The following NEK5 variants were observed in gnomAD, a reference collection of about 807,000 sequenced individuals.
NEK5 encodes NIMA related kinase 5.
NEK5 carries 88 observed loss-of-function variants against 109.2 expected under a neutral mutation model. The observed-to-expected ratio is 0.81, with a 90% CI of 0.68 to 0.96. NEK5 has a LOEUF of 0.96. Ranked by LOEUF, NEK5 falls within the 40% of genes least tolerant of loss-of-function variation. The probability of loss-of-function intolerance (pLI) is 0.00; values close to 1 mark genes in which losing one functional copy is unlikely to be tolerated. For missense variants in NEK5, 834 were observed against 920.7 expected (o/e 0.91, Z 1.22); for synonymous variants, 283 against 299.9 (o/e 0.94, Z 0.58).
chr13:52,079,362 C>T (rs1284385413), intron 17 of NEK5, among the ~76,000 whole-genome samples: 1 of 149,984 alleles, frequency 6.7e-6, no homozygotes, highest in Non-Finnish European at 1.5e-5. Flanking sequence ...CGAAGCTGGA[C>T]TGTACTGCTG....
chr13:52,128,567 A>G (rs1352077719), intron 1 of NEK5, among the ~76,000 whole-genome samples: 1 of 152,088 alleles, frequency 6.6e-6, no homozygotes, highest in Non-Finnish European at 1.5e-5. Context: ...ATTTTACGTC[A>G]GGGTGGGAAG....
At chr13:52,056,975 CAA>C (rs1026812054) in intron 22 of NEK5, among the ~76,000 whole-genome samples, 263 of 151,960 alleles carry the variant, frequency 1.7e-3, no homozygotes, top group Non-Finnish European at 2.5e-3. Context: ...AATAGAGACA[CAA>C]AAAACCCTTC....
At chr13:52,105,009 T>TA (rs1212283850) in intron 8 of NEK5, among the ~76,000 whole-genome samples, 5 of 152,216 alleles carry the variant, frequency 3.3e-5, no homozygotes, top group Admixed American at 3.3e-4. Flanking sequence ...AATAAACATT[T>TA]AAAAATATAC....
intron 14 of NEK5, among the ~76,000 whole-genome samples, chr13:52,087,925 TTTC>T (rs1955188241): frequency 7.1e-6 from 1 of 140,358 alleles, no homozygotes; most frequent in African/African-American, 2.7e-5. Flanking sequence ...AAGCCCAGCC[TTTC>T]TTTTTTTTTT....
intron 9 of NEK5, among the ~76,000 whole-genome samples, chr13:52,103,821 G>A (rs1400233223): frequency 2.6e-5 from 4 of 152,182 alleles, no homozygotes; most frequent in Admixed American, 6.5e-5. Flanking sequence ...CACAGGTGAC[G>A]TGGGTAACAA....
At chr13:52,113,233 AG>A (rs774443135) in intron 4 of NEK5, among the ~76,000 whole-genome samples, 101 of 152,232 alleles carry the variant, frequency 6.6e-4, no homozygotes, top group Non-Finnish European at 1.9e-4. Flanking sequence ...TCCACATTAA[AG>A]AAAAGAGACT....
At chr13:52,125,076 G>A (rs577949960) in intron 3 of NEK5, among the ~76,000 whole-genome samples, 7 of 152,344 alleles carry the variant, frequency 4.6e-5, no homozygotes, top group African/African-American at 1.7e-4. Flanking sequence ...CATAGGAGGT[G>A]AAGTGGGTCT....
At chr13:52,104,146 G>GA (rs1955601235) in intron 9 of NEK5, among the ~76,000 whole-genome samples, 1 of 151,892 alleles carries the variant, frequency 6.6e-6, no homozygotes, top group Non-Finnish European at 1.5e-5. Flanking sequence ...TTTTAGTAGA[G>GA]ACGGGGTGTC....
chr13:52,087,325 A>G lies in NEK5; in HGVS notation c.1392+13T>C. On this transcript the variant is annotated intron_variant, in intron 15 of 23. Coordinates refer to ENST00000684899, the MANE Select transcript of NEK5 (RefSeq NM_001365552.1). ...AAATACAAGGGTAGCCCTGGAATTA[A>G]ACAGTTTTTAACCTGTTCCTTCATT... is the stretch of plus-strand genomic sequence containing the variant. The G allele has an allele frequency of 2.3e-6, 3 of 1,293,760 alleles. No homozygotes were observed. The highest frequency in any genetic ancestry group is 3.4e-6 in the Non-Finnish European group (3 of 889,684). 80.1% of individuals were successfully genotyped at this position (1,293,760 alleles called of 1,614,324 possible). A position where few individuals can be genotyped will look rare whatever the true frequency, so the allele number is the denominator to read the frequency against.
chr13:52,094,329 A>G (rs999969621), intron 12 of NEK5, among the ~76,000 whole-genome samples: 76 of 152,250 alleles, frequency 5.0e-4, no homozygotes, highest in Non-Finnish European at 1.5e-4. Context: ...AGAGAAAAAA[A>G]GATAAAACTA....
intron 21 of NEK5, among the ~76,000 whole-genome samples, chr13:52,064,004 G>C (rs1270108351): frequency 2.1e-5 from 3 of 140,006 alleles, no homozygotes; most frequent in Non-Finnish European, 3.1e-5. Context: ...GGTGGGGGGG[G>C]GGGTCAGCCC....
At chr13:52,086,241 G>A (rs369778580) in intron 16 of NEK5, 36 bp downstream of exon 16, 19 of 1,283,146 alleles carry the variant, frequency 1.5e-5, no homozygotes, top group African/African-American at 8.7e-5. Context: ...GCTCTAAATC[G>A]ATAGAACAAT....
chr13:52,064,005 G>A (rs1490237773), intron 21 of NEK5, among the ~76,000 whole-genome samples: 1 of 134,102 alleles, frequency 7.5e-6, no homozygotes, highest in East Asian at 2.4e-4. Context: ...GTGGGGGGGG[G>A]GGTCAGCCCC....
chr13:52,107,616 G>C (rs1955679802), intron 8 of NEK5, among the ~76,000 whole-genome samples: 1 of 151,282 alleles, frequency 6.6e-6, no homozygotes, highest in Non-Finnish European at 1.5e-5. Context: ...AAAAAAGCCA[G>C]TGCCCTTATA....
At chr13:52,114,591 A>G (rs1955815796) in intron 4 of NEK5, among the ~76,000 whole-genome samples, 2 of 152,238 alleles carry the variant, frequency 1.3e-5, no homozygotes, top group South Asian at 4.1e-4. Context: ...CAAAGAAGCC[A>G]TCCATTCTAC....
intron 20 of NEK5, among the ~76,000 whole-genome samples, chr13:52,071,504 T>C (rs957612654): frequency 6.6e-6 from 1 of 152,260 alleles, no homozygotes; most frequent in South Asian, 2.1e-4. Flanking sequence ...TTTCTTTACT[T>C]ACAATTGTGT....
Position 52,102,171 on chromosome 13 carries a change from G to A in NEK5, c.731C>T (p.Pro244Leu), listed in dbSNP as rs145182172. The change falls in exon 10 of 24, where the codon CCT becomes CTT. Residue 244 changes from proline (P) to leucine (L), a missense_variant. Transcript: ENST00000684899. ...GGAATTTATGGATGGTCGGTCTCGA[G>A]GAGATACTTGAAAGAGCTGAGATAT... ...SLISQLFQVS[P>L]RDRPSINSIL... The A allele has an allele frequency of 2.7e-5, 43 of 1,613,740 alleles. No individual in the cohort carries two copies. The highest frequency in any genetic ancestry group is 3.4e-5 in the Non-Finnish European group (40 of 1,179,808).
intron 20 of NEK5, among the ~76,000 whole-genome samples, chr13:52,069,667 G>A (rs375758730): frequency 2.6e-4 from 39 of 152,250 alleles, no homozygotes; most frequent in African/African-American, 9.1e-4. Flanking sequence ...ATTTGAATTA[G>A]AAAACTGGGA....
intron 23 of NEK5, among the ~76,000 whole-genome samples, chr13:52,044,334 A>G (rs1829237658): frequency 1.3e-5 from 2 of 151,910 alleles, no homozygotes; most frequent in South Asian, 4.1e-4. Context: ...CAACCATACA[A>G]CTCCGCCATT....
Sources: allele counts gnomAD v4.1 joint callset (sites outside exome capture counted in the v4.1 genomes callset), GRCh38; gene constraint gnomAD v4.1.1; transcripts MANE v1.5; gene names NCBI Gene and HGNC (gene_info 2026-07-23, HGNC 2026-07-21).